KCNQ2: variants seen among roughly 807,000 people sequenced by gnomAD.
KCNQ2 encodes potassium voltage-gated channel subfamily KQT member 2.
In KCNQ2, 14 loss-of-function variants were observed where a neutral mutation model predicts 84.8. The ratio of observed to expected loss-of-function variants is 0.17; its 90% CI spans 0.11 to 0.26. The LOEUF is 0.26. Among genes scored for constraint, KCNQ2 ranks in the 10% least tolerant of loss-of-function variants. KCNQ2 has a pLI of 1.00. For missense variants in KCNQ2, 788 were observed against 1,254.0 expected, an observed-to-expected ratio of 0.63 and a Z score of 5.61; for synonymous variants, 599 against 554.1, an observed-to-expected ratio of 1.08 and a Z score of -1.14.
In KCNQ2 at chr20:63,442,398, C is replaced by T; in HGVS notation, c.816+8G>A. ...GGGAAAGGGAAAACCACAATGACCA[C>T]AACTCACCAGGCCCCACCAGAGTGC... On this transcript the variant is annotated splice_region_variant and intron_variant, in intron 5 of 16. Transcript: ENST00000359125. 1 of 1,613,890 alleles carries T rather than the reference C, an allele frequency of 6.2e-7. No homozygotes were observed. The highest frequency in any genetic ancestry group is 8.5e-7 in the Non-Finnish European group (1 of 1,179,960).
At chr20:63,431,449 C>T (rs1871398749) in intron 8 of KCNQ2, 80 bp from the exon 9 acceptor site, 2 of 1,483,102 alleles carry the variant, frequency 1.3e-6, no homozygotes, top group Non-Finnish European at 1.9e-6. Flanking sequence ...GAAAATGAAA[C>T]AAATAGTTGA....
Position 63,405,537 on chromosome 20 carries a change from C to G in KCNQ2, c.*1107G>C, listed in dbSNP as rs2079909625. On this transcript the variant is annotated 3_prime_UTR_variant, in exon 17 of 17. Coordinates refer to ENST00000359125, the MANE Select transcript of KCNQ2 (RefSeq NM_172107.4). ...TGGGCTGAGGTGGGAGTGGTTTCCT[C>G]CGGAAAGGCGGGGAGGGCGGCCCTG... 1 of 152,524 alleles carries G rather than the reference C, an allele frequency of 6.6e-6. No homozygotes were observed. The highest frequency in any genetic ancestry group is 2.4e-5 in the African/African-American group (1 of 41,444). 9.4% of individuals were successfully genotyped at this position (152,524 alleles called of 1,614,324 possible). A position where few individuals can be genotyped will look rare whatever the true frequency, so the allele number is the denominator to read the frequency against.
chr20:63,456,956 A>G (rs567086328), intron 1 of KCNQ2, among the ~76,000 whole-genome samples: 148 of 152,316 alleles, frequency 9.7e-4, no homozygotes, highest in African/African-American at 3.4e-3. Flanking sequence ...CACCAGGTCC[A>G]GGACTGCTCG....
chr20:63,417,004 G>T (rs1334408190), intron 12 of KCNQ2, among the ~76,000 whole-genome samples: 10 of 152,192 alleles, frequency 6.6e-5, no homozygotes, highest in Non-Finnish European at 1.2e-4. Flanking sequence ...CGGAGTGGCC[G>T]AGATCCCCCG....
At chr20:63,468,888 G>A (rs1444035438) in intron 1 of KCNQ2, among the ~76,000 whole-genome samples, 1 of 152,206 alleles carries the variant, frequency 6.6e-6, no homozygotes, top group Non-Finnish European at 1.5e-5. Flanking sequence ...CAGTTAAGCA[G>A]GACAACTCTG....
chr20:63,442,945 C>T, intron 4 of KCNQ2, among the ~76,000 whole-genome samples: 2 of 128,036 alleles, frequency 1.6e-5, no homozygotes, highest in Non-Finnish European at 3.4e-5. Context: ...CCACCACCAT[C>T]ACCATCATCA....
At chr20:63,411,835 T>C (rs1485932569) in intron 15 of KCNQ2, 2 of 701,130 alleles carry the variant, frequency 2.9e-6, no homozygotes, top group Admixed American at 4.3e-5. Context: ...GGGGTACTTC[T>C]TGTGCCGGGG....
intron 1 of KCNQ2, among the ~76,000 whole-genome samples, chr20:63,449,881 C>T (rs1337073913): frequency 6.6e-6 from 1 of 152,098 alleles, no homozygotes; most frequent in East Asian, 1.9e-4. Flanking sequence ...AAACCAGGAC[C>T]AGCCCACTGG....
intron 5 of KCNQ2, among the ~76,000 whole-genome samples, chr20:63,441,161 C>T (rs556516901): frequency 3.2e-5 from 1 of 30,934 alleles, no homozygotes; most frequent in East Asian, 1.0e-3. Flanking sequence ...AAAAGGAAGC[C>T]GGAGGCCTGG....
intron 1 of KCNQ2, among the ~76,000 whole-genome samples, chr20:63,465,766 GTT>G (rs2145889506): frequency 6.6e-6 from 1 of 152,292 alleles, no homozygotes; most frequent in African/African-American, 2.4e-5. Flanking sequence ...CAAAGGCACC[GTT>G]TTGAGACTCC....
At chr20:63,429,614 A>G (rs1379726605) in intron 9 of KCNQ2, among the ~76,000 whole-genome samples, 1 of 152,136 alleles carries the variant, frequency 6.6e-6, no homozygotes, top group African/African-American at 2.4e-5. Context: ...GGTCCTCCAG[A>G]TGGGCATCCT....
intron 7 of KCNQ2, chr20:63,434,787 CCTGATAGGAGGATCG>C (rs2145686341): frequency 6.6e-6 from 1 of 152,398 alleles, no homozygotes; most frequent in Non-Finnish European, 1.5e-5. Context: ...GCCCGCTCCT[CCTGATAGGAGGATCG>C]TATGGATAAA....
At chr20:63,443,197 CCACCAT>C (rs1568936693) in intron 4 of KCNQ2, among the ~76,000 whole-genome samples, 6 of 121,936 alleles carry the variant, frequency 4.9e-5, no homozygotes, top group Admixed American at 3.2e-4. Flanking sequence ...ACCACCACCA[CCACCAT>C]CACCACCACC....
chr20:63,443,397 CCAT>C (rs1338066110), intron 4 of KCNQ2, among the ~76,000 whole-genome samples: 5 of 10,014 alleles, frequency 5.0e-4, no homozygotes, highest in African/African-American at 1.0e-3. Flanking sequence ...ACCACCATCA[CCAT>C]CACCACCATC....
chr20:63,408,509 T>C lies in KCNQ2; in HGVS notation c.1791A>G (p.Pro597=), dbSNP rs1357471980. 6.2e-7 allele frequency: 1 copy of C among 1,610,046 alleles called. No homozygotes were observed. The highest frequency in any genetic ancestry group is 8.5e-7 in the Non-Finnish European group (1 of 1,178,986). Reference sequence around the variant, plus strand: ...TGGTGCGGTCCTTGTCCGTGATCGCTGGGCCCCGCCCCACGATCTGGTCCA... The same window carrying C: ...TGGTGCGGTCCTTGTCCGTGATCGCCGGGCCCCGCCCCACGATCTGGTCCA... The part of the protein sequence containing the change: ...SRVDQIVGRG[P]AITDKDRTKG... Residue 597 remains proline (P), a synonymous_variant, in exon 16 of 17, where the codon CCA becomes CCG. Coordinates refer to ENST00000359125, the MANE Select transcript of KCNQ2 (RefSeq NM_172107.4). This position sits in a 1 kb window ranked among gnomAD's most constrained non-coding sequence, Gnocchi z 5.0.
At chr20:63,447,496 G>A (rs747985580) in intron 1 of KCNQ2, 3 of 152,990 alleles carry the variant, frequency 2.0e-5, no homozygotes, top group Non-Finnish European at 2.9e-5. Flanking sequence ...CGTCCCACGC[G>A]ATTACCTCAC....
intron 1 of KCNQ2, among the ~76,000 whole-genome samples, chr20:63,465,921 C>T (rs1568977011): frequency 6.6e-6 from 1 of 152,220 alleles, no homozygotes; most frequent in Non-Finnish European, 1.5e-5. Context: ...GGTGCTGAGG[C>T]GTCCCGGCGG....
chr20:63,440,318 C>T lies in KCNQ2; in HGVS notation c.817-610G>A, dbSNP rs1399941098. 4.6e-5 allele frequency among the ~76,000 whole-genome samples: 7 copies of T among 152,148 alleles called. No homozygotes were observed. The East Asian group carries it at 1.4e-3, about 30-fold the overall frequency. On this transcript the variant is annotated intron_variant, in intron 5 of 16. Coordinates refer to ENST00000359125, the MANE Select transcript of KCNQ2 (RefSeq NM_172107.4). ...AAGGGTCCCGGTGAGCCCAGGAGCA[C>T]CCGACTCGGGGCCTGGATGAGGGGA...
chr20:63,418,686 G>A (rs774877706), intron 12 of KCNQ2, among the ~76,000 whole-genome samples: 16 of 152,302 alleles, frequency 1.1e-4, no homozygotes, highest in Non-Finnish European at 2.2e-4. Context: ...AGCAGGCCAT[G>A]CCCCAGGCAG....
Sources: gnomAD v4.1 joint callset for allele counts (sites outside exome capture counted in the v4.1 genomes callset) on GRCh38, gnomAD v4.1.1 for gene constraint, Gnocchi (gnomAD v3.1) non-coding constraint, MANE v1.5 for transcripts, NCBI Gene and HGNC (gene_info 2026-07-23, HGNC 2026-07-21) for gene names.